Variants in SASH1 observed in about 807,000 individuals in gnomAD.
The protein encoded by SASH1 is SAM and SH3 domain containing 1.
SASH1 carries 44 observed loss-of-function variants against 125.2 expected under a neutral mutation model. That is an observed-to-expected ratio of 0.35 (90% confidence interval 0.28 to 0.45). SASH1 has a LOEUF of 0.45. SASH1 is among the 20% of genes least tolerant of loss of function. SASH1 has a pLI of 1.00. For missense variants in SASH1, 1,426 were observed against 1,614.5 expected (o/e 0.88, Z 2.00); for synonymous variants, 639 against 649.1 (o/e 0.98, Z 0.24).
At chr6:148,465,292 C>G (rs1777781219) in intron 4 of SASH1, among the ~76,000 whole-genome samples, 1 of 152,124 alleles carries the variant, frequency 6.6e-6, no homozygotes, top group South Asian at 2.1e-4. Context: ...TGGCTCATGC[C>G]TGCAATCCCA....
At position 148,440,410 on chromosome 6, in the gene SASH1, A is replaced by G. The variant is rs777435558; in HGVS notation, c.386+3A>G. 24 of 1,612,934 alleles carry G rather than the reference A, an allele frequency of 1.5e-5. No homozygotes were observed. The Admixed American group carries it at 3.3e-4, about 22-fold the overall frequency. ...TCAACCCCAGAAGTGGAAAGAAAGT[A>G]AGTCTTTCTCCCTCTGCCCAGGACC... On this transcript the variant is annotated splice_donor_region_variant and intron_variant, in intron 4 of 19. Coordinates refer to ENST00000367467, the MANE Select transcript of SASH1 (RefSeq NM_015278.5).
the SASH1 span, among the ~76,000 whole-genome samples, chr6:148,264,176 CGA>C: frequency 5.6e-3 from 292 of 52,382 alleles, 9 homozygotes; most frequent in African/African-American, 0.016. Context: ...TTATTTTGAC[CGA>C]AAAAAAAAAA....
At chr6:148,221,468 C>T in the SASH1 span, among the ~76,000 whole-genome samples, 2 of 152,174 alleles carry the variant, frequency 1.3e-5, no homozygotes, top group Non-Finnish European at 2.9e-5. Flanking sequence ...ACTACAAACA[C>T]AGTGAATAGG....
intron 4 of SASH1, among the ~76,000 whole-genome samples, chr6:148,443,995 C>T (rs535397977): frequency 4.5e-4 from 69 of 152,278 alleles, no homozygotes; most frequent in African/African-American, 1.5e-3. Context: ...GTTCTGTGGG[C>T]AGAAGTTTTC....
intron 9 of SASH1, among the ~76,000 whole-genome samples, chr6:148,517,357 A>G (rs925258463): frequency 2.0e-5 from 3 of 152,180 alleles, no homozygotes; most frequent in Admixed American, 6.5e-5. Flanking sequence ...CCTCCTGCCA[A>G]AATCACCTTG....
At chr6:148,219,824 C>T in the SASH1 span, among the ~76,000 whole-genome samples, 15 of 152,258 alleles carry the variant, frequency 9.9e-5, no homozygotes, top group Admixed American at 6.5e-4. Context: ...TGTTTCCCCA[C>T]GTGCATAGGA....
At chr6:148,409,230 G>A (rs1238646114) in intron 2 of SASH1, among the ~76,000 whole-genome samples, 3 of 152,192 alleles carry the variant, frequency 2.0e-5, no homozygotes, top group Non-Finnish European at 1.5e-5. Context: ...GTGTCCTTCA[G>A]ACCATATGCC....
At chr6:148,347,307 GT>G (rs1781552198) in intron 1 of SASH1, among the ~76,000 whole-genome samples, 1 of 152,042 alleles carries the variant, frequency 6.6e-6, no homozygotes, top group South Asian at 2.1e-4. Context: ...AATTTCCTCT[GT>G]TTTTGCTCTG....
chr6:148,275,672 A>G (rs1405586770), intron 1 of SASH1, among the ~76,000 whole-genome samples: 1 of 152,180 alleles, frequency 6.6e-6, no homozygotes, highest in East Asian at 1.9e-4. Context: ...GCTCGCTTGC[A>G]TTTCCATAAG....
intron 2 of SASH1, among the ~76,000 whole-genome samples, chr6:148,421,126 A>AAAGGAAGGAAGGAAGGAAGGAAGG (rs148595857): frequency 2.4e-5 from 2 of 82,294 alleles, no homozygotes; most frequent in African/African-American, 4.8e-5. Context: ...AGAAAGGAAG[A>AAAGGAAGGAAGGAAGGAAGGAAGG]AAGGAAGGAA....
At position 148,443,916 on chromosome 6, in the gene SASH1, G is replaced by A. The variant is rs539687083; in HGVS notation, c.386+3509G>A. 9.2e-5 allele frequency among the ~76,000 whole-genome samples: 14 copies of A among 152,352 alleles called. No individual in the cohort carries two copies. The South Asian group carries it at 2.9e-3, about 32-fold the overall frequency. On this transcript the variant is annotated intron_variant, in intron 4 of 19. Transcript: ENST00000367467. ...CCTCAAAGGGTGACCTGGCGAACCA[G>A]TTGGCTGTGTCTGGTTGGTGTCTGC...
chr6:148,480,285 C>CA, intron 7 of SASH1: 1 of 149,302 alleles, frequency 6.7e-6, no homozygotes, highest in South Asian at 2.1e-4. Flanking sequence ...CGCACCATTG[C>CA]ACTCTAGCCT....
At chr6:148,279,944 G>C (rs1213655830) in intron 1 of SASH1, among the ~76,000 whole-genome samples, 2 of 149,024 alleles carry the variant, frequency 1.3e-5, no homozygotes, top group African/African-American at 5.0e-5. Context: ...CCAAGATGAT[G>C]CCACTGCACT....
chr6:148,498,230 CAAACAAAAAAAAAA>C (rs1445340235), intron 8 of SASH1, among the ~76,000 whole-genome samples: 47 of 58,844 alleles, frequency 8.0e-4, no homozygotes, highest in African/African-American at 4.2e-3. Context: ...CAAAAACAAA[CAAACAAAAAAAAAA>C]AAACAAAAAA....
Position 148,534,770 on chromosome 6 carries a change from T to C in SASH1, c.1964T>C (p.Leu655Pro). ...INLKEHMPTF[L>P]FNGYEDLDTF... ...TCACAGGAGCACATGCCCACTTTCCTGTTCAATGGATATGAAGATTTGGAC... is the reference window on the plus strand; with the variant it reads ...TCACAGGAGCACATGCCCACTTTCCCGTTCAATGGATATGAAGATTTGGAC... Residue 655 changes from leucine to proline, a missense_variant, in exon 16 of 20, where the codon CTG becomes CCG. Coordinates refer to ENST00000367467, the MANE Select transcript of SASH1 (RefSeq NM_015278.5). The C allele has an allele frequency of 3.1e-6, 5 of 1,614,250 alleles. No individual in the cohort carries two copies. Among genetic ancestry groups the C allele is most frequent in the Non-Finnish European group, 4.2e-6 (5 of 1,180,044 alleles).
intron 17 of SASH1, among the ~76,000 whole-genome samples, chr6:148,542,178 A>C (rs955308743): frequency 6.6e-6 from 1 of 152,244 alleles, no homozygotes; most frequent in Non-Finnish European, 1.5e-5. Flanking sequence ...CTTTGAACTC[A>C]AAGTAAGTTC....
chr6:148,526,907 C>T (rs1205591120), intron 11 of SASH1, among the ~76,000 whole-genome samples: 3 of 144,026 alleles, frequency 2.1e-5, no homozygotes, highest in African/African-American at 7.8e-5. Flanking sequence ...GAGTCTCACT[C>T]TGTCGCCCAG....
chr6:148,247,710 A>G, the SASH1 span, among the ~76,000 whole-genome samples: 1 of 152,252 alleles, frequency 6.6e-6, no homozygotes. Context: ...GTAAAAATTA[A>G]TTATGAAAGT....
At chr6:148,471,150 A>G (rs1027572022) in intron 5 of SASH1, among the ~76,000 whole-genome samples, 1 of 151,846 alleles carries the variant, frequency 6.6e-6, no homozygotes, top group African/African-American at 2.4e-5. Context: ...ACAAGAATGC[A>G]TGTTCTGCCT....
Sources: allele counts gnomAD v4.1 joint callset (sites outside exome capture counted in the v4.1 genomes callset), GRCh38; gene constraint gnomAD v4.1.1; transcripts MANE v1.5; gene names NCBI Gene and HGNC (gene_info 2026-07-23, HGNC 2026-07-21).